The following DNAH11 variants were observed in gnomAD, a reference collection of about 807,000 sequenced individuals.
DNAH11 encodes axonemal beta dynein heavy chain 11.
A neutral mutation model predicts 526.0 loss-of-function variants in DNAH11; 442 were observed. The observed-to-expected ratio is 0.84, with a 90% CI of 0.78 to 0.91. The LOEUF (loss-of-function observed/expected upper bound fraction) is 0.91, where lower values mean the gene tolerates loss of function less well. Ranked by LOEUF, DNAH11 falls within the 40% of genes least tolerant of loss-of-function variation. DNAH11 has a pLI of 0.00. For synonymous variants in DNAH11, 2,461 were observed against 1,935.9 expected, an observed-to-expected ratio of 1.27 and a Z score of -7.12; for missense variants, 6,989 against 5,448.7, an observed-to-expected ratio of 1.28 and a Z score of -8.90.
chr7:21,735,508 G>C, intron 45 of DNAH11, 132 bp from the exon 46 acceptor site: 1 of 777,982 alleles, frequency 1.3e-6, no homozygotes, highest in South Asian at 1.9e-5. Context: ...GTGCTAATCT[G>C]AACTATGAAT....
intron 9 of DNAH11, among the ~76,000 whole-genome samples, chr7:21,582,622 AAAAG>A (rs1360295766): frequency 6.6e-6 from 1 of 152,200 alleles, no homozygotes; most frequent in Non-Finnish European, 1.5e-5. Flanking sequence ...AGAGTTATAT[AAAAG>A]AAAAGCATCT....
intron 61 of DNAH11, among the ~76,000 whole-genome samples, chr7:21,796,857 G>T (rs3925303): frequency 0.31 from 47,623 of 152,054 alleles, 7,760 homozygotes; most frequent in East Asian, 0.48. Flanking sequence ...GAATAGTGCT[G>T]GGTGCTTGCT....
intron 1 of DNAH11, 148 bp downstream of exon 1, chr7:21,543,744 A>T (rs760054883): frequency 1.0e-5 from 8 of 765,506 alleles, no homozygotes; most frequent in African/African-American, 1.8e-5. Context: ...GGCCCGCAGG[A>T]CTCCTCCCCA....
intron 14 of DNAH11, among the ~76,000 whole-genome samples, chr7:21,596,632 A>G (rs1784870698): frequency 6.6e-6 from 1 of 152,236 alleles, no homozygotes; most frequent in Non-Finnish European, 1.5e-5. Flanking sequence ...TAAACCATTA[A>G]GATATGAATC....
rs1583784910 is a variant in DNAH11 at position 21,861,938 on chromosome 7, G to C, written c.11288G>C (p.Ser3763Thr). 5.6e-6 allele frequency: 9 copies of C among 1,613,694 alleles called. No individual in the cohort carries two copies. The highest frequency in any genetic ancestry group is 7.6e-6 in the Non-Finnish European group (9 of 1,179,776). ...MQGRISILMESITHAVFLYTS... is the reference protein window; with the variant it reads ...MQGRISILMETITHAVFLYTS... Reference sequence around the variant, plus strand: ...GGACGCATCTCTATCCTGATGGAGAGCATCACCCATGCTGTCTTCCTCTAC... The same window carrying C: ...GGACGCATCTCTATCCTGATGGAGACCATCACCCATGCTGTCTTCCTCTAC... Residue 3763 changes from serine to threonine, a missense_variant, in exon 69 of 82, where the codon AGC becomes ACC. Transcript: ENST00000409508.
intron 35 of DNAH11, among the ~76,000 whole-genome samples, chr7:21,693,305 C>G (rs1000901580): frequency 6.6e-6 from 1 of 152,194 alleles, no homozygotes; most frequent in Non-Finnish European, 1.5e-5. Flanking sequence ...TTCGGTGTTG[C>G]ATTCCAGGGA....
chr7:21,718,008 G>T (rs906600395), intron 43 of DNAH11, 83 bp downstream of exon 43: 1 of 1,495,522 alleles, frequency 6.7e-7, no homozygotes, highest in East Asian at 2.3e-5. Context: ...ATCTTGCCTT[G>T]CCCAAGAAAG....
At chr7:21,800,468 C>G (rs1302967602) in intron 61 of DNAH11, among the ~76,000 whole-genome samples, 1 of 152,108 alleles carries the variant, frequency 6.6e-6, no homozygotes, top group Non-Finnish European at 1.5e-5. Context: ...CTCATCTCCA[C>G]TAAATCTACA....
intron 46 of DNAH11, among the ~76,000 whole-genome samples, chr7:21,736,325 A>G (rs558590616): frequency 1.3e-5 from 2 of 152,338 alleles, no homozygotes; most frequent in African/African-American, 4.8e-5. Flanking sequence ...ACGTAATCAA[A>G]AGAACCACAC....
At chr7:21,573,010 T>C (rs1783953775) in intron 8 of DNAH11, among the ~76,000 whole-genome samples, 1 of 152,148 alleles carries the variant, frequency 6.6e-6, no homozygotes, top group Non-Finnish European at 1.5e-5. Context: ...AACGAGCTAG[T>C]GGAGGAGGAG....
At chr7:21,875,708 A>C (rs1346221749) in intron 74 of DNAH11, among the ~76,000 whole-genome samples, 1 of 152,020 alleles carries the variant, frequency 6.6e-6, no homozygotes, top group African/African-American at 2.4e-5. Flanking sequence ...AATGATAAAG[A>C]TTCACAGATT....
chr7:21,731,155 A>C (rs988539337), intron 45 of DNAH11, among the ~76,000 whole-genome samples: 2 of 152,150 alleles, frequency 1.3e-5, no homozygotes, highest in Admixed American at 6.5e-5. Context: ...AAAAAAAAAA[A>C]CTATGTGAAT....
At chr7:21,748,530 T>C (rs1422983158) in intron 51 of DNAH11, 50 bp from the exon 52 acceptor site, 2 of 1,418,582 alleles carry the variant, frequency 1.4e-6, no homozygotes, top group Non-Finnish European at 1.9e-6. Flanking sequence ...ACAGACATAG[T>C]CCCGGGGCAT....
At chr7:21,873,142 T>G in intron 73 of DNAH11, 132 bp from the exon 74 acceptor site, 1 of 807,410 alleles carries the variant, frequency 1.2e-6, no homozygotes, top group South Asian at 1.7e-5. Flanking sequence ...ATTTTTATGA[T>G]GTATTGATAA....
intron 42 of DNAH11, among the ~76,000 whole-genome samples, chr7:21,714,854 A>G (rs1288068366): frequency 1.3e-5 from 2 of 152,180 alleles, no homozygotes; most frequent in Admixed American, 1.3e-4. Context: ...AAGACACGTC[A>G]TCCCTAAGTC....
At chr7:21,716,221 CA>C in intron 42 of DNAH11, among the ~76,000 whole-genome samples, 1 of 152,190 alleles carries the variant, frequency 6.6e-6, no homozygotes, top group Admixed American at 6.5e-5. Flanking sequence ...TCCAGGATGC[CA>C]ACTCTTGTGC....
chr7:21,599,801 C>T lies in DNAH11; in HGVS notation c.2682C>T (p.Leu894=), dbSNP rs149926178. The change falls in exon 15 of 82, where the codon CTC becomes CTT. Residue 894 remains leucine (L), a synonymous_variant. Transcript: ENST00000409508. ...IHNLVEENRK[L]FKANPSLDTW... ...TCTGTTTCTAGGAAAATAGGAAGCT[C>T]TTCAAAGCCAATCCCTCTCTGGATA... 5.1e-5 allele frequency: 80 copies of T among 1,565,432 alleles called. No homozygotes were observed. In the African/African-American group the frequency reaches 9.1e-4, roughly 18 times the overall value.
chr7:21,646,672 G>C (rs538316216), intron 28 of DNAH11, among the ~76,000 whole-genome samples: 10 of 152,108 alleles, frequency 6.6e-5, no homozygotes, highest in Non-Finnish European at 1.2e-4. Flanking sequence ...AGAAATAATG[G>C]CTGCTTCTAC....
Position 21,866,643 on chromosome 7 carries a change from C to G in DNAH11, c.11670C>G (p.Asp3890Glu), listed in dbSNP as rs548184198. Residue 3890 changes from aspartate (D) to glutamate (E), a missense_variant, in exon 71 of 82, where the codon GAC (aspartate) becomes GAG (glutamate). Physicochemically the swap from Asp to Glu is conservative, Grantham distance 45. Transcript: ENST00000409508. ...TTCTTCTGAGAGCAATGCGCCCTGA[C>G]AGAATGACGTATGCTCTCAGGTGGG... ...KLILLRAMRP[D>E]RMTYALRNFV... 1.9e-6 allele frequency: 3 copies of G among 1,612,930 alleles called. No homozygotes were observed. Among genetic ancestry groups the G allele is most frequent in the Admixed American group, 3.3e-5 (2 of 59,916 alleles).
Sources: allele counts gnomAD v4.1 joint callset (sites outside exome capture counted in the v4.1 genomes callset), GRCh38; gene constraint gnomAD v4.1.1; transcripts MANE v1.5; gene names NCBI Gene and HGNC (gene_info 2026-07-23, HGNC 2026-07-21).